Variants in KCNIP4 observed in about 807,000 individuals in gnomAD.
The protein encoded by KCNIP4 is Kv channel-interacting protein 4.
KCNIP4 carries 12 observed loss-of-function variants against 34.0 expected under a neutral mutation model. The ratio of observed to expected loss-of-function variants is 0.35; its 90% confidence interval spans 0.23 to 0.57. The LOEUF (loss-of-function observed/expected upper bound fraction) is 0.57. KCNIP4 is among the 20% of genes least tolerant of loss of function. The probability of loss-of-function intolerance (pLI) is 0.83; values close to 1 mark genes in which losing one functional copy is unlikely to be tolerated. For synonymous variants in KCNIP4, 124 were observed against 102.2 expected, an observed-to-expected ratio of 1.21 and a Z score of -1.29; for missense variants, 238 against 311.7, an observed-to-expected ratio of 0.76 and a Z score of 1.78.
At chr4:21,083,320 T>C (rs1746161706) in intron 1 of KCNIP4, among the ~76,000 whole-genome samples, 1 of 151,668 alleles carries the variant, frequency 6.6e-6, no homozygotes, top group African/African-American at 2.4e-5. Context: ...TGACTAGACT[T>C]TACCTTTGCA....
chr4:21,149,892 T>G (rs1297374813), intron 1 of KCNIP4, among the ~76,000 whole-genome samples: 1 of 152,148 alleles, frequency 6.6e-6, no homozygotes, highest in Non-Finnish European at 1.5e-5. Flanking sequence ...AACATGGATT[T>G]TAAGTTATTT....
chr4:21,915,452 T>C (rs931788218), intron 1 of KCNIP4, among the ~76,000 whole-genome samples: 1 of 152,210 alleles, frequency 6.6e-6, no homozygotes, highest in African/African-American at 2.4e-5. Flanking sequence ...TATGAACATT[T>C]TGAGTTCCAA....
intron 1 of KCNIP4, among the ~76,000 whole-genome samples, chr4:21,319,169 T>C (rs140258571): frequency 9.2e-5 from 14 of 152,262 alleles, no homozygotes; most frequent in Non-Finnish European, 1.6e-4. Context: ...AAGATAAATC[T>C]AAAGGGAGCC....
At chr4:21,890,343 C>T (rs2109400439) in intron 1 of KCNIP4, among the ~76,000 whole-genome samples, 1 of 152,180 alleles carries the variant, frequency 6.6e-6, no homozygotes, top group Admixed American at 6.5e-5. Context: ...TTCTGTACTT[C>T]TGGAATATGC....
intron 1 of KCNIP4, among the ~76,000 whole-genome samples, chr4:21,081,939 T>C (rs764780167): frequency 6.6e-6 from 1 of 151,768 alleles, no homozygotes; most frequent in Non-Finnish European, 1.5e-5. Flanking sequence ...ACTTCAAAGC[T>C]CTATGTCCAA....
Position 21,368,254 on chromosome 4 carries a change from A to G in KCNIP4, c.62-485545T>C, listed in dbSNP as rs75291709. On this transcript the variant is annotated intron_variant, in intron 1 of 8. Coordinates refer to ENST00000382152, the MANE Select transcript of KCNIP4 (RefSeq NM_025221.6). ...GAAGCTGTTACACACACACACACAC[A>G]CACAATAAATATGACGTTAGTTTGA... 1.2e-3 allele frequency among the ~76,000 whole-genome samples: 176 copies of G among 147,160 alleles called. 16 individuals carry two copies. The East Asian group carries it at 0.032, about 27-fold the overall frequency.
intron 1 of KCNIP4, among the ~76,000 whole-genome samples, chr4:21,686,223 A>G (rs1750792766): frequency 6.6e-6 from 1 of 152,144 alleles, no homozygotes; most frequent in South Asian, 2.1e-4. Flanking sequence ...AATAATATTG[A>G]GCTCGGAAGA....
intron 3 of KCNIP4, among the ~76,000 whole-genome samples, chr4:20,787,318 G>A (rs1312960592): frequency 1.3e-5 from 2 of 152,052 alleles, no homozygotes; most frequent in Non-Finnish European, 1.5e-5. Context: ...TTTTTTAGGT[G>A]GTTTTATTCA....
At chr4:20,864,045 C>CGTGT (rs71655608) in intron 2 of KCNIP4, among the ~76,000 whole-genome samples, 3 of 134,360 alleles carry the variant, frequency 2.2e-5, no homozygotes, top group Non-Finnish European at 3.5e-5. Flanking sequence ...TATGTATACG[C>CGTGT]ATGTATGTAT....
chr4:21,383,486 G>A (rs1177900664), intron 1 of KCNIP4, among the ~76,000 whole-genome samples: 2 of 99,242 alleles, frequency 2.0e-5, no homozygotes, highest in African/African-American at 7.7e-5. Context: ...AGTCTATGTA[G>A]GAGTAGCAAG....
intron 1 of KCNIP4, among the ~76,000 whole-genome samples, chr4:21,226,724 T>G (rs1466541476): frequency 6.6e-6 from 1 of 152,190 alleles, no homozygotes; most frequent in African/African-American, 2.4e-5. Context: ...GGAGAATGTG[T>G]TATCTATTGA....
At chr4:20,777,208 T>A (rs537065621) in intron 3 of KCNIP4, among the ~76,000 whole-genome samples, 1 of 152,154 alleles carries the variant, frequency 6.6e-6, no homozygotes, top group Non-Finnish European at 1.5e-5. Flanking sequence ...CTTCTTCACA[T>A]GGCAGCAGAA....
intron 1 of KCNIP4, among the ~76,000 whole-genome samples, chr4:21,680,223 G>C (rs1338845994): frequency 6.6e-6 from 1 of 152,184 alleles, no homozygotes; most frequent in African/African-American, 2.4e-5. Flanking sequence ...TCTTCATGAG[G>C]AGTAGACTCC....
intron 1 of KCNIP4, among the ~76,000 whole-genome samples, chr4:21,853,693 T>C (rs1490502543): frequency 2.0e-5 from 3 of 152,114 alleles, no homozygotes; most frequent in African/African-American, 4.8e-5. Flanking sequence ...CAAGAAAACA[T>C]TATTAATCCA....
intron 1 of KCNIP4, among the ~76,000 whole-genome samples, chr4:21,810,020 A>C (rs1721530222): frequency 6.6e-6 from 1 of 152,048 alleles, no homozygotes; most frequent in East Asian, 1.9e-4. Context: ...CAACCGTTTT[A>C]CAAGCAAAGA....
chr4:21,434,542 A>C (rs1016799696), intron 1 of KCNIP4, among the ~76,000 whole-genome samples: 1 of 152,106 alleles, frequency 6.6e-6, no homozygotes, highest in African/African-American at 2.4e-5. Flanking sequence ...TTAGGAACCG[A>C]GCAGCACAGC....
intron 1 of KCNIP4, among the ~76,000 whole-genome samples, chr4:21,048,944 CTTTT>C (rs949548104): frequency 2.1e-5 from 2 of 96,048 alleles, no homozygotes; most frequent in African/African-American, 8.4e-5. Context: ...TTCTGTTTAT[CTTTT>C]TTTTTTTTTT....
chr4:20,922,073 C>T (rs1729437596), intron 1 of KCNIP4, among the ~76,000 whole-genome samples: 1 of 152,174 alleles, frequency 6.6e-6, no homozygotes, highest in African/African-American at 2.4e-5. Flanking sequence ...GACTTGAATG[C>T]AGGAGACCCA....
At chr4:21,596,075 A>G (rs974738006) in intron 1 of KCNIP4, among the ~76,000 whole-genome samples, 14 of 152,250 alleles carry the variant, frequency 9.2e-5, no homozygotes, top group African/African-American at 2.4e-4. Context: ...AACGCCTTGT[A>G]TCATGGCCCA....
Sources: allele counts gnomAD v4.1 joint callset (sites outside exome capture counted in the v4.1 genomes callset), GRCh38; gene constraint gnomAD v4.1.1; transcripts MANE v1.5; gene names NCBI Gene and HGNC (gene_info 2026-07-23, HGNC 2026-07-21).